The following MPHOSPH9 variants were observed in gnomAD, a reference collection of about 807,000 sequenced individuals.
The protein encoded by MPHOSPH9 is M-phase phosphoprotein 9.
Under a neutral mutation model 145.5 loss-of-function variants are expected in MPHOSPH9, and 88 were observed. The ratio of observed to expected loss-of-function variants is 0.60; its 90% CI spans 0.51 to 0.72. The LOEUF is 0.72. MPHOSPH9 is among the 30% of genes least tolerant of loss of function. The pLI, the probability that MPHOSPH9 is intolerant of heterozygous loss-of-function variation, is 0.00. For synonymous variants in MPHOSPH9, 435 were observed against 486.2 expected, an observed-to-expected ratio of 0.89 and a Z score of 1.39; for missense variants, 1,238 against 1,386.6, an observed-to-expected ratio of 0.89 and a Z score of 1.70.
intron 8 of MPHOSPH9, among the ~76,000 whole-genome samples, chr12:123,206,625 T>C (rs57937699): frequency 8.1e-4 from 122 of 151,248 alleles, no homozygotes; most frequent in African/African-American, 2.8e-3. Context: ...ATAAGAGTTA[T>C]ATAATAAGCC....
At chr12:123,171,351 G>A (rs143412900) in intron 16 of MPHOSPH9, among the ~76,000 whole-genome samples, 3,014 of 152,206 alleles carry the variant, frequency 0.02, 48 homozygotes, top group Non-Finnish European at 0.031. Context: ...CTACTCGGGA[G>A]GCTGAGGTGG....
At chr12:123,195,781 T>C (rs1198127846) in intron 12 of MPHOSPH9, among the ~76,000 whole-genome samples, 1 of 151,366 alleles carries the variant, frequency 6.6e-6, no homozygotes, top group African/African-American at 2.4e-5. Flanking sequence ...GGCCAGGCAC[T>C]GTGGCTCACA....
intron 13 of MPHOSPH9, among the ~76,000 whole-genome samples, chr12:123,187,314 AC>A (rs1250016045): frequency 6.6e-6 from 1 of 152,206 alleles, no homozygotes; most frequent in East Asian, 1.9e-4. Flanking sequence ...ATACATAAAT[AC>A]TAGAATATGA....
chr12:123,180,107 A>G (rs2045059355), intron 14 of MPHOSPH9, 117 bp from the exon 15 acceptor site: 5 of 545,942 alleles, frequency 9.2e-6, no homozygotes, highest in South Asian at 8.4e-5. Flanking sequence ...AACCATACTC[A>G]GCAAGTATGG....
At chr12:123,205,247 T>C (rs2138385940) in intron 8 of MPHOSPH9, among the ~76,000 whole-genome samples, 1 of 152,294 alleles carries the variant, frequency 6.6e-6, no homozygotes, top group South Asian at 2.1e-4. Flanking sequence ...ATTAATTTGT[T>C]AAATCTAAAC....
intron 17 of MPHOSPH9, 40 bp downstream of exon 17, chr12:123,166,615 A>G (rs1716167): frequency 0.76 from 1,205,903 of 1,594,036 alleles, 468,615 homozygotes; most frequent in East Asian, 0.97. Flanking sequence ...CTAAGAAAAC[A>G]TAACATCCCT....
chr12:123,182,069 T>C (rs1035198402), intron 13 of MPHOSPH9, among the ~76,000 whole-genome samples: 2 of 151,190 alleles, frequency 1.3e-5, no homozygotes, highest in Admixed American at 6.6e-5. Flanking sequence ...GCCTCCCGAG[T>C]AGCTGGGACT....
intron 7 of MPHOSPH9, among the ~76,000 whole-genome samples, chr12:123,211,684 C>CTTTTTTTT (rs147321517): frequency 1.5e-5 from 1 of 67,756 alleles, no homozygotes; most frequent in Non-Finnish European, 3.1e-5. Flanking sequence ...TAGACAATTT[C>CTTTTTTTT]TTTTTTTTTT....
In MPHOSPH9 at chr12:123,215,687, T is replaced by C. The variant is rs145865029; in HGVS notation, c.997-853A>G. ...AAATCAATCCTCACATCTCTGACAC[T>C]GTCGCAAGAAATGTGTTTCCAGAGA... On this transcript the variant is annotated intron_variant, in intron 6 of 23. Transcript: ENST00000606320. Among the ~76,000 whole-genome samples the C allele has an allele frequency of 6.0e-3, 918 of 152,294 alleles. 12 individuals carry two copies. The highest frequency in any genetic ancestry group is 0.021 in the African/African-American group (881 of 41,550).
At chr12:123,237,158 T>TA (rs71440287), upstream of MPHOSPH9, among the ~76,000 whole-genome samples, 4 of 149,670 alleles carry the variant, frequency 2.7e-5, no homozygotes, top group East Asian at 2.0e-4. Context: ...GTTTTCTGCT[T>TA]AAAAAAAAAT....
chr12:123,212,863 C>CA (rs1339158700), intron 7 of MPHOSPH9, among the ~76,000 whole-genome samples: 1 of 106,618 alleles, frequency 9.4e-6, no homozygotes, highest in African/African-American at 3.4e-5. Flanking sequence ...TTCTGTTATT[C>CA]TTTTTTTTTT....
At chr12:123,180,735 T>C (rs965834555) in intron 14 of MPHOSPH9, among the ~76,000 whole-genome samples, 1 of 152,024 alleles carries the variant, frequency 6.6e-6, no homozygotes. Context: ...TAGCTGGGCA[T>C]GGTGGCGCAC....
At chr12:123,236,057 C>T (rs998811174), upstream of MPHOSPH9, among the ~76,000 whole-genome samples, 1 of 150,912 alleles carries the variant, frequency 6.6e-6, no homozygotes, top group Non-Finnish European at 1.5e-5. Context: ...GAGTGAGACT[C>T]GTCTCAAAAA....
chr12:123,238,908 G>A (rs1259806518), intron 1 of MPHOSPH9, among the ~76,000 whole-genome samples: 2 of 152,114 alleles, frequency 1.3e-5, no homozygotes, highest in Non-Finnish European at 2.9e-5. Flanking sequence ...AAACTGAGAT[G>A]TTCTGTAAGT....
At chr12:123,213,084 C>T (rs866321379) in intron 7 of MPHOSPH9, among the ~76,000 whole-genome samples, 5 of 151,884 alleles carry the variant, frequency 3.3e-5, no homozygotes, top group African/African-American at 7.3e-5. Flanking sequence ...TAGTCTCGAT[C>T]GCCTGACCTC....
intron 1 of MPHOSPH9, among the ~76,000 whole-genome samples, chr12:123,241,012 C>A (rs888905012): frequency 1.3e-5 from 2 of 151,996 alleles, no homozygotes; most frequent in African/African-American, 4.8e-5. Context: ...CCACACCCAG[C>A]CTCAAATATC....
At chr12:123,219,497 G>A (rs904786241) in intron 5 of MPHOSPH9, among the ~76,000 whole-genome samples, 1 of 146,818 alleles carries the variant, frequency 6.8e-6, no homozygotes, top group South Asian at 2.2e-4. Context: ...AGCTTGCAGT[G>A]AGCCGAGATT....
intron 15 of MPHOSPH9, among the ~76,000 whole-genome samples, chr12:123,178,446 A>G (rs1484970683): frequency 6.6e-6 from 1 of 152,236 alleles, no homozygotes; most frequent in Non-Finnish European, 1.5e-5. Context: ...AAATGTCTAA[A>G]TAAGGGACGT....
At chr12:123,157,151 T>C (rs573944209) in intron 23 of MPHOSPH9, among the ~76,000 whole-genome samples, 213 of 152,346 alleles carry the variant, frequency 1.4e-3, no homozygotes, top group Non-Finnish European at 2.6e-3. Flanking sequence ...ATTGAGTATA[T>C]GGAAATTCTA....
Sources: allele counts gnomAD v4.1 joint callset (sites outside exome capture counted in the v4.1 genomes callset), GRCh38; gene constraint gnomAD v4.1.1; transcripts MANE v1.5; gene names NCBI Gene and HGNC (gene_info 2026-07-23, HGNC 2026-07-21).